The following RBFOX1 variants were observed in gnomAD, a reference collection of about 807,000 sequenced individuals.
RBFOX1 encodes RNA binding fox-1 homolog 1.
RBFOX1 carries 8 observed loss-of-function variants against 57.7 expected under a neutral mutation model. The ratio of observed to expected loss-of-function variants is 0.14; its 90% CI spans 0.08 to 0.25. The LOEUF (loss-of-function observed/expected upper bound fraction) is 0.25, where lower values mean the gene tolerates loss of function less well. Among genes scored for constraint, RBFOX1 ranks in the 10% least tolerant of loss-of-function variants. The pLI is 1.00. For missense variants in RBFOX1, 611 were observed against 548.5 expected (o/e 1.11, Z -1.14); for synonymous variants, 326 against 222.4 (o/e 1.47, Z -4.15).
At chr16:6,946,198 A>C (rs946998845) in intron 3 of RBFOX1, among the ~76,000 whole-genome samples, 3 of 152,200 alleles carry the variant, frequency 2.0e-5, no homozygotes, top group African/African-American at 7.2e-5. Context: ...AGATACAGAG[A>C]ATATTTTAGG....
Position 5,775,268 on chromosome 16 carries a change from A to G in RBFOX1, c.319-92035A>G, listed in dbSNP as rs188381002. On this transcript the variant is annotated intron_variant, in intron 3 of 19. Transcript: ENST00000641259. ...ATAGCTGTTCCTAAGCTTCCCTTCA[A>G]CTAACATCCCCCTTCTCACCCCACA... Among the ~76,000 whole-genome samples, 8 of 152,096 alleles carry G rather than the reference A, an allele frequency of 5.3e-5. No homozygotes were observed. In the East Asian group the frequency reaches 5.8e-4, roughly 11 times the overall value.
chr16:7,649,725 A>C (rs2064548220), intron 11 of RBFOX1, among the ~76,000 whole-genome samples: 1 of 152,148 alleles, frequency 6.6e-6, no homozygotes, highest in Admixed American at 6.5e-5. Flanking sequence ...CCTGCTTGGT[A>C]CCAGTTACTC....
At chr16:6,186,063 T>A (rs770496963) in intron 1 of RBFOX1, among the ~76,000 whole-genome samples, 2 of 152,218 alleles carry the variant, frequency 1.3e-5, no homozygotes, top group African/African-American at 2.4e-5. Flanking sequence ...GTAGGAGGAT[T>A]GTCCAGAGGA....
chr16:6,407,104 G>C (rs984682348), intron 2 of RBFOX1, among the ~76,000 whole-genome samples: 1 of 152,102 alleles, frequency 6.6e-6, no homozygotes, highest in East Asian at 1.9e-4. Flanking sequence ...AATTGAGATG[G>C]CTATGTAACA....
At chr16:6,439,146 GC>G (rs2094312396) in intron 2 of RBFOX1, among the ~76,000 whole-genome samples, 1 of 152,136 alleles carries the variant, frequency 6.6e-6, no homozygotes, top group Non-Finnish European at 1.5e-5. Flanking sequence ...CATGCCGATG[GC>G]CCCTTGCAGT....
At chr16:6,675,516 C>T (rs1818388196) in intron 3 of RBFOX1, among the ~76,000 whole-genome samples, 1 of 152,154 alleles carries the variant, frequency 6.6e-6, no homozygotes, top group Admixed American at 6.5e-5. Context: ...GTGTTCATTG[C>T]TGAACCAGGC....
chr16:5,263,721 G>C (rs1326723696), intron 1 of RBFOX1, among the ~76,000 whole-genome samples: 1 of 152,198 alleles, frequency 6.6e-6, no homozygotes, highest in Non-Finnish European at 1.5e-5. Flanking sequence ...GGGTGAGATG[G>C]AAGTGATTTG....
At chr16:6,863,820 G>A (rs1341805713) in intron 3 of RBFOX1, among the ~76,000 whole-genome samples, 2 of 141,686 alleles carry the variant, frequency 1.4e-5, no homozygotes, top group African/African-American at 2.7e-5. Context: ...GATGTGCTAT[G>A]AAAGGAGCCA....
chr16:6,948,740 C>G (rs1387384598), intron 3 of RBFOX1, among the ~76,000 whole-genome samples: 2 of 152,118 alleles, frequency 1.3e-5, no homozygotes, highest in African/African-American at 4.8e-5. Flanking sequence ...TTGAAATGTT[C>G]ACTACTCCAT....
intron 4 of RBFOX1, among the ~76,000 whole-genome samples, chr16:7,457,973 A>AAGGC (rs139716361): frequency 3.9e-5 from 6 of 152,250 alleles, no homozygotes; most frequent in Admixed American, 6.5e-5. Flanking sequence ...TGTTTCCTGA[A>AAGGC]AGGCTACATT....
At chr16:5,913,396 G>T (rs913133357) in intron 4 of RBFOX1, among the ~76,000 whole-genome samples, 17 of 152,148 alleles carry the variant, frequency 1.1e-4, no homozygotes, top group Admixed American at 2.6e-4. Context: ...TGGGTGATGG[G>T]GGGCAGTTGC....
chr16:7,109,140 T>G (rs1406414397), intron 4 of RBFOX1, among the ~76,000 whole-genome samples: 1 of 152,104 alleles, frequency 6.6e-6, no homozygotes, highest in East Asian at 1.9e-4. Flanking sequence ...ATTTCCAAGG[T>G]GAATGTACTG....
chr16:7,240,174 C>T (rs1463602756), intron 4 of RBFOX1, among the ~76,000 whole-genome samples: 2 of 152,092 alleles, frequency 1.3e-5, no homozygotes, highest in African/African-American at 2.4e-5. Flanking sequence ...ACCATGTTGG[C>T]CAAGCTGGTC....
At chr16:6,772,829 G>A (rs1164924021) in intron 3 of RBFOX1, among the ~76,000 whole-genome samples, 4 of 149,976 alleles carry the variant, frequency 2.7e-5, no homozygotes, top group African/African-American at 9.8e-5. Context: ...TTGTGTGTAT[G>A]TGAGTGTATG....
At chr16:6,178,690 A>G (rs2344664) in intron 1 of RBFOX1, among the ~76,000 whole-genome samples, 65,762 of 151,966 alleles carry the variant, frequency 0.43, 14,545 homozygotes, top group Admixed American at 0.52. Flanking sequence ...GAGGGTATCT[A>G]GTCTACCTTC....
At chr16:7,247,646 A>G (rs1315035367) in intron 4 of RBFOX1, among the ~76,000 whole-genome samples, 1 of 152,248 alleles carries the variant, frequency 6.6e-6, no homozygotes, top group African/African-American at 2.4e-5. Context: ...GATTTTAAGA[A>G]TACATTAGTG....
chr16:6,861,197 C>T (rs1366535479), intron 3 of RBFOX1, among the ~76,000 whole-genome samples: 6 of 152,180 alleles, frequency 3.9e-5, no homozygotes, highest in Non-Finnish European at 8.8e-5. Flanking sequence ...TGCATCTGAA[C>T]AGCTACAGTT....
intron 3 of RBFOX1, among the ~76,000 whole-genome samples, chr16:6,973,592 G>C (rs887245625): frequency 3.3e-5 from 5 of 152,124 alleles, no homozygotes; most frequent in African/African-American, 1.2e-4. Context: ...ATTGTAAATG[G>C]TGAGGACTTT....
chr16:6,529,103 T>G (rs2096621031), intron 2 of RBFOX1, among the ~76,000 whole-genome samples: 1 of 152,172 alleles, frequency 6.6e-6, no homozygotes, highest in Non-Finnish European at 1.5e-5. Context: ...AGCTGCCACC[T>G]TGTTATACTC....
Sources: gnomAD v4.1 joint callset for allele counts (sites outside exome capture counted in the v4.1 genomes callset) on GRCh38, gnomAD v4.1.1 for gene constraint, MANE v1.5 for transcripts, NCBI Gene and HGNC (gene_info 2026-07-23, HGNC 2026-07-21) for gene names.